The following POU6F2 variants were observed in gnomAD, a reference collection of about 807,000 sequenced individuals.
POU6F2 encodes the protein POU class 6 homeobox 2.
POU6F2 carries 31 observed loss-of-function variants against 71.3 expected under a neutral mutation model. That is an observed-to-expected ratio of 0.43 (90% CI 0.33 to 0.59). The LOEUF is 0.59. Ranked by LOEUF, POU6F2 falls within the 20% of genes least tolerant of loss-of-function variation. The pLI, the probability that POU6F2 is intolerant of heterozygous loss-of-function variation, is 0.04. For synonymous variants in POU6F2, 347 were observed against 355.7 expected (o/e 0.98, Z 0.27); for missense variants, 783 against 856.8 (o/e 0.91, Z 1.07).
chr7:39,048,525 T>C (rs919441938), intron 1 of POU6F2, among the ~76,000 whole-genome samples: 5 of 152,008 alleles, frequency 3.3e-5, no homozygotes, highest in African/African-American at 1.2e-4. Context: ...TCTCATTCTT[T>C]TTTATGGCTG....
chr7:39,163,828 A>C (rs1412203494), intron 2 of POU6F2, among the ~76,000 whole-genome samples: 2 of 152,228 alleles, frequency 1.3e-5, no homozygotes, highest in African/African-American at 4.8e-5. Context: ...AATACTATTC[A>C]GCCTTAAAAA....
intron 1 of POU6F2, among the ~76,000 whole-genome samples, chr7:39,049,076 T>C (rs1009031254): frequency 6.6e-6 from 1 of 152,014 alleles, no homozygotes; most frequent in African/African-American, 2.4e-5. Flanking sequence ...ATTTTGGCAA[T>C]TTGTGCTTTC....
chr7:39,379,030 G>A (rs1464437090), intron 5 of POU6F2, among the ~76,000 whole-genome samples: 1 of 152,140 alleles, frequency 6.6e-6, no homozygotes, highest in Non-Finnish European at 1.5e-5. Flanking sequence ...AGGAGGACAA[G>A]CAGATGGATC....
Position 39,467,450 on chromosome 7 carries a change from T to A in POU6F2, c.*2764T>A, listed in dbSNP as rs189217914. 1.5e-4 allele frequency: 23 copies of A among 152,338 alleles called. No individual in the cohort carries two copies. Among genetic ancestry groups the A allele is most frequent in the African/African-American group, 5.5e-4 (23 of 41,584 alleles). The allele number at this position is 152,338 out of a possible 1,614,324, so 9.4% of individuals were successfully genotyped here. On this transcript the variant is annotated 3_prime_UTR_variant, in exon 10 of 10. Transcript: ENST00000518318. Reference sequence around the variant, plus strand: ...TTTTATGTTTCCATGAACTGAAGGTTAAGGTTGCCACCCACAAAAAATAAA... The same window carrying A: ...TTTTATGTTTCCATGAACTGAAGGTAAAGGTTGCCACCCACAAAAAATAAA...
rs1265102472 is a variant in POU6F2, at chr7:39,073,829, G to T, written c.106-12031G>T. Reference sequence around the variant, plus strand: ...AACAGAGGGAAGGAAAACACTTATTGGTGAAATCAATTAGGCAGTGGCCTT... The same window carrying T: ...AACAGAGGGAAGGAAAACACTTATTTGTGAAATCAATTAGGCAGTGGCCTT... On this transcript the variant is annotated intron_variant, in intron 1 of 9. Transcript: ENST00000518318. 7.2e-5 allele frequency among the ~76,000 whole-genome samples: 11 copies of T among 152,318 alleles called. No homozygotes were observed. The East Asian group carries it at 1.9e-3, about 27-fold the overall frequency.
intron 2 of POU6F2, among the ~76,000 whole-genome samples, chr7:39,106,865 T>A (rs1791700741): frequency 6.6e-6 from 1 of 152,138 alleles, no homozygotes; most frequent in Non-Finnish European, 1.5e-5. Flanking sequence ...GTATTTTTGG[T>A]GTTGGAAAAT....
intron 2 of POU6F2, among the ~76,000 whole-genome samples, chr7:39,119,356 G>A (rs1331214737): frequency 1.3e-5 from 2 of 152,166 alleles, no homozygotes; most frequent in Non-Finnish European, 2.9e-5. Context: ...CAAACTGTCA[G>A]AAATAATTAA....
At chr7:39,355,968 G>A (rs1026902295) in intron 5 of POU6F2, among the ~76,000 whole-genome samples, 1 of 152,088 alleles carries the variant, frequency 6.6e-6, no homozygotes, top group Non-Finnish European at 1.5e-5. Flanking sequence ...GGTGCAAGTC[G>A]AAGGCCAGGT....
rs1321990217 is a variant in POU6F2, at chr7:39,026,116, A to T, written c.105+48058A>T. Among the ~76,000 whole-genome samples the T allele has an allele frequency of 3.7e-4, 57 of 152,070 alleles. 1 individual carries two copies. The highest frequency in any genetic ancestry group is 8.9e-4 in the African/African-American group (37 of 41,476). On this transcript the variant is annotated intron_variant, in intron 1 of 9. Coordinates refer to ENST00000518318, the MANE Select transcript of POU6F2 (RefSeq NM_001370959.1). The stretch of plus-strand genomic sequence containing the variant: ...CAGGAAACAACAGGTGCCGGAGAGG[A>T]TGTGGAGAAATAGGAACACTTTTAC...
chr7:39,252,870 T>A (rs1783952189), intron 4 of POU6F2, among the ~76,000 whole-genome samples: 1 of 152,180 alleles, frequency 6.6e-6, no homozygotes, highest in African/African-American at 2.4e-5. Context: ...GCCCTGACCC[T>A]GCTTTATTTT....
At chr7:39,259,583 T>G (rs948167228) in intron 4 of POU6F2, among the ~76,000 whole-genome samples, 1 of 152,116 alleles carries the variant, frequency 6.6e-6, no homozygotes, top group African/African-American at 2.4e-5. Context: ...GTTGCCCTCC[T>G]GGAGTCAAAG....
At chr7:39,208,465 G>A (rs1307106072) in intron 4 of POU6F2, among the ~76,000 whole-genome samples, 1 of 152,174 alleles carries the variant, frequency 6.6e-6, no homozygotes, top group East Asian at 1.9e-4. Context: ...ATGAGGGCCT[G>A]TCTGGGTAAG....
chr7:39,152,781 G>A (rs1469314423), intron 2 of POU6F2, among the ~76,000 whole-genome samples: 7 of 152,120 alleles, frequency 4.6e-5, no homozygotes, highest in African/African-American at 1.4e-4. Context: ...GGAAAGTAAG[G>A]TTTAAATTTC....
chr7:39,183,536 A>G (rs890152496), intron 2 of POU6F2, among the ~76,000 whole-genome samples: 1 of 152,142 alleles, frequency 6.6e-6, no homozygotes, highest in African/African-American at 2.4e-5. Flanking sequence ...GCAAGGGGGA[A>G]ACCTGCCCCC....
intron 4 of POU6F2, among the ~76,000 whole-genome samples, chr7:39,308,901 C>T (rs1415722362): frequency 6.6e-6 from 1 of 152,200 alleles, no homozygotes; most frequent in African/African-American, 2.4e-5. Flanking sequence ...CCACTTTTCA[C>T]GTCAGCCCAG....
At chr7:39,236,141 TA>T (rs949168539) in intron 4 of POU6F2, among the ~76,000 whole-genome samples, 2 of 152,070 alleles carry the variant, frequency 1.3e-5, no homozygotes, top group African/African-American at 4.8e-5. Context: ...GACTCAAAGG[TA>T]AGACTCAGAG....
chr7:39,451,364 C>CA (rs10595595), intron 7 of POU6F2, among the ~76,000 whole-genome samples, 169 bp from the exon 8 acceptor site: 659 of 111,160 alleles, frequency 5.9e-3, no homozygotes, highest in African/African-American at 0.012. Context: ...ATGTGCTCTA[C>CA]AAAAAAAAAA....
chr7:39,186,428 T>C (rs905812830), intron 2 of POU6F2, among the ~76,000 whole-genome samples: 1 of 152,082 alleles, frequency 6.6e-6, no homozygotes, highest in Non-Finnish European at 1.5e-5. Context: ...CCCTGGTCTT[T>C]GTTTATTTAT....
At chr7:39,262,320 C>T (rs763260241) in intron 4 of POU6F2, among the ~76,000 whole-genome samples, 5 of 152,152 alleles carry the variant, frequency 3.3e-5, no homozygotes, top group East Asian at 1.9e-4. Flanking sequence ...TGGATCTGAA[C>T]GGCTCCAGTG....
Sources: gnomAD v4.1 joint callset for allele counts (sites outside exome capture counted in the v4.1 genomes callset) on GRCh38, gnomAD v4.1.1 for gene constraint, MANE v1.5 for transcripts, NCBI Gene and HGNC (gene_info 2026-07-23, HGNC 2026-07-21) for gene names.